The following ASPDH variants were observed in gnomAD, a reference collection of about 807,000 sequenced individuals.
ASPDH encodes the protein aspartate dehydrogenase domain containing, also known as aspartate dehydrogenase domain-containing protein.
ASPDH carries 25 observed loss-of-function variants against 30.5 expected under a neutral mutation model. The ratio of observed to expected loss-of-function variants is 0.82; its 90% CI spans 0.60 to 1.14. The LOEUF (loss-of-function observed/expected upper bound fraction) is 1.14, where lower values mean the gene tolerates loss of function less well. ASPDH is among the 50% of genes most tolerant of loss of function. The pLI, the probability that ASPDH is intolerant of heterozygous loss-of-function variation, is 0.00. For synonymous variants in ASPDH, 168 were observed against 156.3 expected, an observed-to-expected ratio of 1.07 and a Z score of -0.56; for missense variants, 401 against 381.5, an observed-to-expected ratio of 1.05 and a Z score of -0.43.
chr19:50,514,866 CGCGG>C, upstream of ASPDH: 6 of 984,914 alleles, frequency 6.1e-6, no homozygotes, highest in Non-Finnish European at 7.2e-6. Flanking sequence ...AGGAGACAGA[CGCGG>C]GCAGACAGAG....
rs748591566 is a variant in ASPDH at position 50,513,866 on chromosome 19, C to T, written c.-43G>A. Reference sequence around the variant, plus strand: ...CTGGGGCCTGGCTCCCTGGGCTGCTCGCTGCCCGCTGCACAAGGCCTGGGC... The same window carrying T: ...CTGGGGCCTGGCTCCCTGGGCTGCTTGCTGCCCGCTGCACAAGGCCTGGGC... On this transcript the variant is annotated 5_prime_UTR_variant, in exon 1 of 7. Coordinates refer to ENST00000389208, the MANE Select transcript of ASPDH (RefSeq NM_001114598.2). The surrounding 1 kb of genome is among the most constrained non-coding windows in gnomAD (Gnocchi z 4.9). 2.7e-4 allele frequency: 423 copies of T among 1,540,002 alleles called. No individual in the cohort carries two copies. Among genetic ancestry groups the T allele is most frequent in the Non-Finnish European group, 3.4e-4 (394 of 1,142,206 alleles).
chr19:50,514,401 G>T, upstream of ASPDH: 1 of 1,598,920 alleles, frequency 6.3e-7, no homozygotes. Flanking sequence ...TAGCCCCGCT[G>T]CGCAGCACGG....
chr19:50,514,817 G>GGC, upstream of ASPDH: 10 of 466,566 alleles, frequency 2.1e-5, no homozygotes, highest in Non-Finnish European at 3.3e-5. Flanking sequence ...GGGGGGGCGG[G>GGC]CACTGGGTGG....
upstream of ASPDH, chr19:50,514,447 C>T (rs1459150252): frequency 3.7e-6 from 6 of 1,613,932 alleles, no homozygotes; most frequent in South Asian, 2.2e-5. Flanking sequence ...TGTCCACAGC[C>T]TCCCTCCGCT....
chr19:50,514,871 GCAGA>G (rs1980167184), upstream of ASPDH: 9 of 984,988 alleles, frequency 9.1e-6, no homozygotes, highest in Non-Finnish European at 1.1e-5. Flanking sequence ...ACAGACGCGG[GCAGA>G]CAGAGAGGGG....
intron 6 of ASPDH, 141 bp downstream of exon 6, chr19:50,511,995 A>AGAG (rs1233372417): frequency 2.6e-6 from 2 of 778,140 alleles, no homozygotes; most frequent in Non-Finnish European, 3.9e-6. Context: ...AGTCATGGAG[A>AGAG]GAGGTTAAGG....
In ASPDH at chr19:50,512,470, A is replaced by G; in HGVS notation, c.543T>C (p.Arg181=). ...TTCGCGGGGCAAAGGGGCAGAGCCC[A>G]CGGACAGGGCCTTCGTAGAGCACAG... The part of the protein sequence containing the change: ...PCTVLYEGPV[R]GLCPFAPRNS... The change falls in exon 5 of 7, where the codon CGT becomes CGC. Residue 181 remains arginine (R), a synonymous_variant. Transcript: ENST00000389208. 1 of 1,598,092 alleles carries G rather than the reference A, an allele frequency of 6.3e-7. No homozygotes were observed.
Position 50,513,110 on chromosome 19 carries a change from C to G in ASPDH, c.198-99G>C. 1 of 1,316,246 alleles carries G rather than the reference C, an allele frequency of 7.6e-7. No homozygotes were observed. The allele number at this position is 1,316,246 out of a possible 1,614,324, so 81.5% of individuals were successfully genotyped here. On this transcript the variant is annotated intron_variant, in intron 2 of 6. Transcript: ENST00000389208. This position sits in a 1 kb window ranked among gnomAD's most constrained non-coding sequence, Gnocchi z 4.9. ...CTACTGAGGGCTGCCCTTCTTCTCC[C>G]TGACCTGGGAGGCGAAATGAGATGA...
chr19:50,514,657 G>A (rs894100655), upstream of ASPDH: 6 of 1,565,812 alleles, frequency 3.8e-6, no homozygotes, highest in Non-Finnish European at 5.2e-6. Flanking sequence ...CCTTGAGGGT[G>A]CCTGGCATCG....
upstream of ASPDH, chr19:50,514,027 C>A: frequency 1.6e-6 from 1 of 636,110 alleles, no homozygotes; most frequent in Non-Finnish European, 2.7e-6. Flanking sequence ...TCCACTTTCC[C>A]GGGTCCAGCA....
rs1352099425 is a variant in ASPDH, at chr19:50,513,515, T to G, written c.53-99A>C. On this transcript the variant is annotated intron_variant, in intron 1 of 6. Transcript: ENST00000389208. This position sits in a 1 kb window ranked among gnomAD's most constrained non-coding sequence, Gnocchi z 4.9. ...GACAGAGACCCAGAGAGAGAGGAGG[T>G]GGGGACAGACTCAGATTGCGGGGTA... is the stretch of plus-strand genomic sequence containing the variant. The G allele has an allele frequency of 1.9e-5, 23 of 1,222,496 alleles. No homozygotes were observed. The highest frequency in any genetic ancestry group is 7.0e-5 in the African/African-American group (4 of 57,022). The allele number at this position is 1,222,496 out of a possible 1,614,324, so 75.7% of individuals were successfully genotyped here. A position where few individuals can be genotyped will look rare whatever the true frequency, so the allele number is the denominator to read the frequency against.
rs1202346295 is a variant in ASPDH at position 50,512,197 on chromosome 19, A to G, written c.747T>C (p.Pro249=). Residue 249 remains proline (P), a synonymous_variant, in exon 6 of 7, where the codon CCT becomes CCC. Transcript: ENST00000389208. ...SFAVHTRREN[P]AEPGAVTGSA... ...AGCCGGTGACCGCGCCTGGCTCGGC[A>G]GGGTTCTCTCTGCGGGTGTGCACAG... 1 of 1,608,118 alleles carries G rather than the reference A, an allele frequency of 6.2e-7. No individual in the cohort carries two copies. Among genetic ancestry groups the G allele is most frequent in the Admixed American group, 1.7e-5 (1 of 59,578 alleles).
Position 50,512,596 on chromosome 19 carries a change from C to A in ASPDH, c.433-16G>T. 6.6e-7 allele frequency: 1 copy of A among 1,516,904 alleles called. No homozygotes were observed. Among genetic ancestry groups the A allele is most frequent in the Non-Finnish European group, 8.8e-7 (1 of 1,135,488 alleles). 94.0% of individuals were successfully genotyped at this position (1,516,904 alleles called of 1,614,324 possible). On this transcript the variant is annotated splice_polypyrimidine_tract_variant and intron_variant, in intron 4 of 6. Coordinates refer to ENST00000389208, the MANE Select transcript of ASPDH (RefSeq NM_001114598.2). ...CACGAAGGCTCTGGAAGCAAGAGCC[C>A]GGGTTAGGGGGAGTGGGGTCTTTGC...
chr19:50,514,777 GAA>G (rs977245525), upstream of ASPDH: 99 of 933,864 alleles, frequency 1.1e-4, no homozygotes, highest in Non-Finnish European at 1.3e-4. Flanking sequence ...AGGCTGGAGA[GAA>G]AGAGAGCGTG....
In ASPDH at chr19:50,512,801, G is replaced by A. The variant is rs768101855; in HGVS notation, c.292C>T (p.Pro98Ser). The A allele has an allele frequency of 6.3e-7, 1 of 1,595,842 alleles. No homozygotes were observed. The highest frequency in any genetic ancestry group is 1.1e-5 in the South Asian group (1 of 89,324). Reference protein sequence around the residue: ...LRHANLLVGSPSALSDQTTER... With the variant: ...LRHANLLVGSSSALSDQTTER... ...GTGGTCTGGTCACTTAGAGCTGAGG[G>A]GGACCCCACCTGGGGTGGATGAAGG... The change falls in exon 4 of 7, where the codon CCC (proline) becomes TCC (serine). Residue 98 changes from proline to serine, a missense_variant. Pro to Ser is a moderately conservative substitution (Grantham distance 74). Transcript: ENST00000389208.
In ASPDH at chr19:50,511,899, G is replaced by A. The variant is rs1036193263; in HGVS notation, c.809-126C>T. 3.8e-5 allele frequency: 30 copies of A among 793,134 alleles called. No homozygotes were observed. In the African/African-American group the frequency reaches 4.2e-4, roughly 11 times the overall value. The allele number at this position is 793,134 out of a possible 1,614,324, so 49.1% of individuals were successfully genotyped here. On this transcript the variant is annotated intron_variant, in intron 6 of 6. Transcript: ENST00000389208. ...GTGGAGGAAGACCCGGAGAGAGCGGGACAGAGCCCTGGGGGTGGACAGAGA... is the reference window on the plus strand; with the variant it reads ...GTGGAGGAAGACCCGGAGAGAGCGGAACAGAGCCCTGGGGGTGGACAGAGA...
In ASPDH at chr19:50,512,551, G is replaced by A. The variant is rs750831040; in HGVS notation, c.462C>T (p.Pro154=). ...RSLRVTMATH[P]DGFRLEGPLA... Reference sequence around the variant, plus strand: ...GGGGTCCCTCAAGCCGGAAGCCATCGGGGTGTGTGGCCATGGTGACACGAA... The same window carrying A: ...GGGGTCCCTCAAGCCGGAAGCCATCAGGGTGTGTGGCCATGGTGACACGAA... Residue 154 remains proline, a synonymous_variant, in exon 5 of 7, where the codon CCC becomes CCT. Coordinates refer to ENST00000389208, the MANE Select transcript of ASPDH (RefSeq NM_001114598.2). 11 of 1,536,120 alleles carry A rather than the reference G, an allele frequency of 7.2e-6. No individual in the cohort carries two copies. The East Asian group carries it at 2.0e-4, about 28-fold the overall frequency.
In ASPDH at chr19:50,513,202, C is replaced by G; in HGVS notation, c.197+70G>C. ...GAGAGGGTCAGGGAACCCCTGAGAT[C>G]ACACAGTGGCTAAGAGAGCCAGGAC... On this transcript the variant is annotated intron_variant, in intron 2 of 6. Coordinates refer to ENST00000389208, the MANE Select transcript of ASPDH (RefSeq NM_001114598.2). This position sits in a 1 kb window ranked among gnomAD's most constrained non-coding sequence, Gnocchi z 4.9. 7.2e-7 allele frequency: 1 copy of G among 1,396,332 alleles called. No homozygotes were observed. The highest frequency in any genetic ancestry group is 9.5e-7 in the Non-Finnish European group (1 of 1,052,844). The allele number at this position is 1,396,332 out of a possible 1,614,324, so 86.5% of individuals were successfully genotyped here.
At chr19:50,511,890 A>C in intron 6 of ASPDH, 117 bp from the exon 7 acceptor site, 1 of 790,632 alleles carries the variant, frequency 1.3e-6, no homozygotes, top group Non-Finnish European at 1.9e-6. Flanking sequence ...GAAGACCCGG[A>C]GAGAGCGGGA....
Sources: allele counts gnomAD v4.1 joint callset, GRCh38; gene constraint gnomAD v4.1.1; non-coding constraint Gnocchi (gnomAD v3.1); transcripts MANE v1.5; gene names NCBI Gene and HGNC (gene_info 2026-07-23, HGNC 2026-07-21).